Variants in SLC7A2 observed in about 807,000 individuals in gnomAD.
SLC7A2 encodes solute carrier family 7 member 2.
SLC7A2 carries 48 observed loss-of-function variants against 58.9 expected under a neutral mutation model. The ratio of observed to expected loss-of-function variants is 0.82; its 90% confidence interval spans 0.65 to 1.04. The LOEUF is 1.04. Among genes scored for constraint, SLC7A2 ranks in the 50% least tolerant of loss-of-function variants. The probability of loss-of-function intolerance (pLI) is 0.00; values close to 1 mark genes in which losing one functional copy is unlikely to be tolerated. For synonymous variants in SLC7A2, 363 were observed against 314.5 expected, an observed-to-expected ratio of 1.15 and a Z score of -1.63; for missense variants, 1,029 against 818.8, an observed-to-expected ratio of 1.26 and a Z score of -3.13.
At chr8:17,514,845 C>G (rs1800740259) in intron 2 of SLC7A2, among the ~76,000 whole-genome samples, 1 of 152,174 alleles carries the variant, frequency 6.6e-6, no homozygotes, top group Non-Finnish European at 1.5e-5. Flanking sequence ...ATAAGTTTTA[C>G]TGAAATGAGA....
At chr8:17,536,222 G>T (rs2150723563) in intron 2 of SLC7A2, among the ~76,000 whole-genome samples, 1 of 152,232 alleles carries the variant, frequency 6.6e-6, no homozygotes, top group Non-Finnish European at 1.5e-5. Context: ...GGCATTGGGA[G>T]AAATGATGTT....
chr8:17,560,999 A>G (rs924859101), intron 10 of SLC7A2, among the ~76,000 whole-genome samples: 68 of 152,306 alleles, frequency 4.5e-4, no homozygotes, highest in African/African-American at 1.6e-3. Context: ...TGGGATGCCA[A>G]GAGAGACGGT....
chr8:17,565,065 A>G lies in SLC7A2; in HGVS notation c.1896A>G (p.Lys632=). ...ACGTTCATGCAGCAGCAGAAGAAAAATCTGCCATTCAAGCAAATGACCATC... is the reference window on the plus strand; with the variant it reads ...ACGTTCATGCAGCAGCAGAAGAAAAGTCTGCCATTCAAGCAAATGACCATC... ...PDNVHAAAEE[K]SAIQANDHHP... Residue 632 remains lysine (K), a synonymous_variant, in exon 13 of 13, where the codon AAA becomes AAG. Coordinates refer to ENST00000494857, the MANE Select transcript of SLC7A2 (RefSeq NM_001370338.1). The G allele has an allele frequency of 6.2e-7, 1 of 1,614,026 alleles. No homozygotes were observed. Among genetic ancestry groups the G allele is most frequent in the Non-Finnish European group, 8.5e-7 (1 of 1,179,936 alleles).
intron 2 of SLC7A2, among the ~76,000 whole-genome samples, chr8:17,508,691 G>A (rs1028151717): frequency 3.3e-5 from 5 of 151,818 alleles, no homozygotes; most frequent in African/African-American, 7.3e-5. Context: ...TCCAGCCTGC[G>A]AGACAGAGCA....
chr8:17,550,328 T>A lies in SLC7A2; in HGVS notation c.726T>A (p.Ser242Arg). The change falls in exon 6 of 13, where the codon AGT (serine) becomes AGA (arginine). Residue 242 changes from serine (S) to arginine (R), a missense_variant. Ser to Arg is a moderately radical substitution (Grantham distance 110, BLOSUM62 -1). Transcript: ENST00000494857. ...AGCCACCTTCTGAAAACGGAACAAG[T>A]ATCTATGGGGCTGGTGGCTTTATGC... ...AREPPSENGT[S>R]IYGAGGFMPY... 1 of 1,614,030 alleles carries A rather than the reference T, an allele frequency of 6.2e-7. No homozygotes were observed. The highest frequency in any genetic ancestry group is 8.5e-7 in the Non-Finnish European group (1 of 1,179,940).
chr8:17,498,821 C>T (rs1465681639), intron 1 of SLC7A2: 6 of 152,214 alleles, frequency 3.9e-5, no homozygotes, highest in South Asian at 4.1e-4. Context: ...AATCTCTGAT[C>T]ATTCCAGAGT....
At chr8:17,545,646 C>T (rs1563467810) in intron 4 of SLC7A2, among the ~76,000 whole-genome samples, 1 of 151,992 alleles carries the variant, frequency 6.6e-6, no homozygotes, top group Non-Finnish European at 1.5e-5. Flanking sequence ...GATCCCCCTG[C>T]CTCAGCCTCC....
At chr8:17,530,143 G>A (rs554966737) in intron 2 of SLC7A2, among the ~76,000 whole-genome samples, 12 of 152,120 alleles carry the variant, frequency 7.9e-5, no homozygotes, top group African/African-American at 2.7e-4. Flanking sequence ...ATATAAATAA[G>A]CCTGGTTTCT....
rs140886396 is a variant in SLC7A2 at position 17,558,961 on chromosome 8, G to T, written c.1298+564G>T. Among the ~76,000 whole-genome samples, 426 of 152,250 alleles carry T rather than the reference G, an allele frequency of 2.8e-3. 2 individuals are homozygous for T. Among genetic ancestry groups the T allele is most frequent in the African/African-American group, 9.6e-3 (400 of 41,544 alleles). ...TATTTAAATAATAAATTTTCATGAAGAAATCATATATGCCGATATAGACAT... is the reference window on the plus strand; with the variant it reads ...TATTTAAATAATAAATTTTCATGAATAAATCATATATGCCGATATAGACAT... On this transcript the variant is annotated intron_variant, in intron 9 of 12. Transcript: ENST00000494857.
intron 2 of SLC7A2, among the ~76,000 whole-genome samples, chr8:17,502,515 A>G (rs1304239757): frequency 6.6e-6 from 1 of 152,232 alleles, no homozygotes; most frequent in Non-Finnish European, 1.5e-5. Flanking sequence ...TTCAATTCCT[A>G]TAAGATATTG....
At chr8:17,541,798 C>G (rs1183382238) in intron 2 of SLC7A2, among the ~76,000 whole-genome samples, 2 of 152,188 alleles carry the variant, frequency 1.3e-5, no homozygotes, top group Non-Finnish European at 1.5e-5. Context: ...AACCCACCAT[C>G]TAAATATAAT....
At chr8:17,555,228 T>A in intron 8 of SLC7A2, 4 of 722,870 alleles carry the variant, frequency 5.5e-6, no homozygotes. Flanking sequence ...AGCATTGGGA[T>A]TAACATGTGA....
At chr8:17,513,454 A>G (rs918510044) in intron 2 of SLC7A2, among the ~76,000 whole-genome samples, 4 of 152,240 alleles carry the variant, frequency 2.6e-5, no homozygotes, top group African/African-American at 9.6e-5. Flanking sequence ...CACAAAAGGA[A>G]GTTTAAAACC....
chr8:17,562,354 G>A (rs762279267), intron 11 of SLC7A2, among the ~76,000 whole-genome samples: 15 of 151,768 alleles, frequency 9.9e-5, no homozygotes, highest in South Asian at 2.1e-4. Flanking sequence ...ACAGGTGCAC[G>A]CCACCACACT....
At chr8:17,525,566 G>A (rs1401876971) in intron 2 of SLC7A2, among the ~76,000 whole-genome samples, 3 of 151,104 alleles carry the variant, frequency 2.0e-5, no homozygotes, top group Non-Finnish European at 2.9e-5. Flanking sequence ...CCTGAGGGAG[G>A]TGCAGGTGAT....
chr8:17,534,390 C>A (rs1231385567), intron 2 of SLC7A2, among the ~76,000 whole-genome samples: 2 of 152,136 alleles, frequency 1.3e-5, no homozygotes, highest in African/African-American at 4.8e-5. Context: ...GCAGTTCGGA[C>A]CCCTGTCATC....
At chr8:17,528,788 A>G (rs759365155) in intron 2 of SLC7A2, among the ~76,000 whole-genome samples, 1 of 152,128 alleles carries the variant, frequency 6.6e-6, no homozygotes, top group Non-Finnish European at 1.5e-5. Context: ...TTGAAGGAGA[A>G]GACTTTTCTT....
chr8:17,566,094 C>G lies in SLC7A2; in HGVS notation c.*948C>G, dbSNP rs1401956882. On this transcript the variant is annotated 3_prime_UTR_variant, in exon 13 of 13. Coordinates refer to ENST00000494857, the MANE Select transcript of SLC7A2 (RefSeq NM_001370338.1). The stretch of plus-strand genomic sequence containing the variant: ...GCTTGAATAAGTAGACCCCAAGCAT[C>G]CTTTTCTAAAAAGTGACTTAAAATA... The G allele has an allele frequency of 6.6e-6, 1 of 152,208 alleles. No individual in the cohort carries two copies. Among genetic ancestry groups the G allele is most frequent in the Admixed American group, 6.5e-5 (1 of 15,280 alleles). The allele number at this position is 152,208 out of a possible 1,614,324, so 9.4% of individuals were successfully genotyped here.
chr8:17,550,840 G>A (rs549782079), intron 6 of SLC7A2, among the ~76,000 whole-genome samples: 1 of 152,262 alleles, frequency 6.6e-6, no homozygotes, highest in South Asian at 2.1e-4. Flanking sequence ...AAAAAATATT[G>A]TGTCAGTTCT....
Sources: allele counts gnomAD v4.1 joint callset (sites outside exome capture counted in the v4.1 genomes callset), GRCh38; gene constraint gnomAD v4.1.1; transcripts MANE v1.5; gene names NCBI Gene and HGNC (gene_info 2026-07-23, HGNC 2026-07-21).